Variants in LIPG observed in about 807,000 individuals in gnomAD.
The protein encoded by LIPG is endothelial lipase.
LIPG carries 34 observed loss-of-function variants against 51.8 expected under a neutral mutation model. That is an observed-to-expected ratio of 0.66 (90% CI 0.50 to 0.87). The LOEUF is 0.87. Among genes scored for constraint, LIPG ranks in the 40% least tolerant of loss-of-function variants. The pLI, the probability that LIPG is intolerant of heterozygous loss-of-function variation, is 0.00. For synonymous variants in LIPG, 246 were observed against 246.1 expected (o/e 1.00, Z 0.00); for missense variants, 580 against 652.7 (o/e 0.89, Z 1.21).
Position 49,581,611 on chromosome 18 carries a change from G to GAAC in LIPG, c.992_994dup (p.Asn331dup), listed in dbSNP as rs753420345. 1 of 1,614,184 alleles carries GAAC rather than the reference G, an allele frequency of 6.2e-7. No individual in the cohort carries two copies. Among genetic ancestry groups the GAAC allele is most frequent in the African/African-American group, 1.3e-5 (1 of 75,050 alleles). On this transcript the variant is annotated inframe_insertion, in exon 6 of 10. Coordinates refer to ENST00000261292, the MANE Select transcript of LIPG (RefSeq NM_006033.4). ...ATGCCAAGAAAATGAGGAACAAGAG[G>GAAC]AACAGCAAAATGTACCTAAAAACCC...
rs919709473 is a variant in LIPG at position 49,596,243 on chromosome 18, A to G, written c.*5721A>G. ...AGATATTATGAAATATAAATTCAAA[A>G]CCTGTATAAAAACTGAAAAAATGTA... is the stretch of plus-strand genomic sequence containing the variant. On this transcript the variant is annotated 3_prime_UTR_variant, in exon 10 of 10. Transcript: ENST00000261292. The G allele has an allele frequency of 6.6e-6, 1 of 152,224 alleles. No homozygotes were observed. The highest frequency in any genetic ancestry group is 6.5e-5 in the Admixed American group (1 of 15,276). The allele number at this position is 152,224 out of a possible 1,614,324, so 9.4% of individuals were successfully genotyped here. A position where few individuals can be genotyped will look rare whatever the true frequency, so the allele number is the denominator to read the frequency against.
intron 4 of LIPG, among the ~76,000 whole-genome samples, chr18:49,574,174 G>T (rs903071742): frequency 1.3e-5 from 2 of 152,178 alleles, no homozygotes; most frequent in Non-Finnish European, 2.9e-5. Flanking sequence ...GAGCTGTTCT[G>T]GTTGGGATAA....
chr18:49,578,065 G>A (rs1262648668), intron 5 of LIPG, among the ~76,000 whole-genome samples: 5 of 143,730 alleles, frequency 3.5e-5, no homozygotes, highest in East Asian at 2.1e-4. Context: ...TGGCCGGGCG[G>A]GGGGGCTGGC....
intron 1 of LIPG, 145 bp from the exon 2 acceptor site, chr18:49,565,172 A>C (rs1460871999): frequency 2.8e-6 from 2 of 720,654 alleles, no homozygotes; most frequent in African/African-American, 3.5e-5. Flanking sequence ...TTTTTCTGGG[A>C]GGTGAAAAGG....
chr18:49,578,226 C>T (rs1225850597), intron 5 of LIPG, among the ~76,000 whole-genome samples: 8 of 142,646 alleles, frequency 5.6e-5, no homozygotes, highest in African/African-American at 1.6e-4. Context: ...ACTTCTCAGA[C>T]GGGGCGGCTG....
At chr18:49,562,030 T>TA, upstream of LIPG, 1 of 1,431,158 alleles carries the variant, frequency 7.0e-7, no homozygotes, top group Non-Finnish European at 9.1e-7. Context: ...CCCATACTTT[T>TA]AAAAACTACC....
chr18:49,589,199 C>T (rs2084915744), intron 9 of LIPG, among the ~76,000 whole-genome samples: 1 of 152,150 alleles, frequency 6.6e-6, no homozygotes, highest in Admixed American at 6.5e-5. Flanking sequence ...ATTTGCCACC[C>T]CCAAGGCTGC....
At chr18:49,572,054 T>C (rs981778355) in intron 4 of LIPG, among the ~76,000 whole-genome samples, 1 of 152,248 alleles carries the variant, frequency 6.6e-6, no homozygotes, top group Admixed American at 6.5e-5. Context: ...GCGCAGTGGC[T>C]CACGCCTGTA....
chr18:49,561,882 G>A (rs561314849), upstream of LIPG: 5 of 1,273,520 alleles, frequency 3.9e-6, no homozygotes, highest in Admixed American at 3.7e-5. Flanking sequence ...AGCGTGCGGC[G>A]TCCACGCGGT....
rs762804081 is a variant in LIPG at position 49,592,800 on chromosome 18, G to A, written c.*2278G>A. ...CTATTTGGAAGACTATTTATTTCTC[G>A]TGTATATAATGTATATAAAAAAATA... On this transcript the variant is annotated 3_prime_UTR_variant, in exon 10 of 10. Transcript: ENST00000261292. 3.3e-5 allele frequency: 5 copies of A among 151,512 alleles called. No homozygotes were observed. Among genetic ancestry groups the A allele is most frequent in the East Asian group, 3.9e-4 (2 of 5,192 alleles). The allele number at this position is 151,512 out of a possible 1,614,324, so 9.4% of individuals were successfully genotyped here.
chr18:49,579,240 T>C (rs564956493), intron 5 of LIPG, among the ~76,000 whole-genome samples: 2 of 124,336 alleles, frequency 1.6e-5, no homozygotes, highest in South Asian at 2.9e-4. Context: ...GGGAGAGGGC[T>C]CACCGGATAC....
chr18:49,582,942 ACAT>A (rs1443691374), intron 7 of LIPG, among the ~76,000 whole-genome samples: 1 of 152,342 alleles, frequency 6.6e-6, no homozygotes, highest in South Asian at 2.1e-4. Context: ...TTGTGATGAA[ACAT>A]CATCAAAGTA....
At chr18:49,588,760 T>TG (rs1273849082) in intron 9 of LIPG, among the ~76,000 whole-genome samples, 1 of 152,168 alleles carries the variant, frequency 6.6e-6, no homozygotes, top group Non-Finnish European at 1.5e-5. Flanking sequence ...GGGCTCATCC[T>TG]GGGGAACAGC....
intron 9 of LIPG, among the ~76,000 whole-genome samples, chr18:49,587,840 C>T (rs1005895172): frequency 2.0e-5 from 3 of 151,308 alleles, no homozygotes; most frequent in Admixed American, 6.6e-5. Context: ...CAGGCTGGAG[C>T]GCAGTGGCAT....
intron 4 of LIPG, among the ~76,000 whole-genome samples, chr18:49,574,065 C>CAA (rs1279434683): frequency 6.6e-6 from 1 of 152,176 alleles, no homozygotes; most frequent in African/African-American, 2.4e-5. Context: ...GGGGCAAAGC[C>CAA]ACTTGTAGTG....
At chr18:49,577,723 G>C (rs1180189407) in intron 5 of LIPG, among the ~76,000 whole-genome samples, 7 of 84,130 alleles carry the variant, frequency 8.3e-5, no homozygotes, top group African/African-American at 4.1e-4. Flanking sequence ...CTCCCGGATG[G>C]CACGGCTGGC....
intron 9 of LIPG, chr18:49,589,805 T>C (rs1305926120): frequency 6.5e-6 from 1 of 153,574 alleles, no homozygotes; most frequent in Non-Finnish European, 1.5e-5. Flanking sequence ...TTTCCCGCTT[T>C]GGAATTCATA....
chr18:49,594,891 A>G lies in LIPG; in HGVS notation c.*4369A>G, dbSNP rs888724183. ...GAAAGCAGAAAATGGTGTCTCTGGC[A>G]TAGTAAAGAAAATTGTTGAAATTTC... On this transcript the variant is annotated 3_prime_UTR_variant, in exon 10 of 10. Transcript: ENST00000261292. The G allele has an allele frequency of 1.3e-5, 2 of 152,218 alleles. No homozygotes were observed. The highest frequency in any genetic ancestry group is 2.4e-5 in the African/African-American group (1 of 41,450). The allele number at this position is 152,218 out of a possible 1,614,324, so 9.4% of individuals were successfully genotyped here. A position where few individuals can be genotyped will look rare whatever the true frequency, so the allele number is the denominator to read the frequency against.
At position 49,564,255 on chromosome 18, in the gene LIPG, G is replaced by T. The variant is rs1284853753; in HGVS notation, c.98-1062G>T. Among the ~76,000 whole-genome samples, 3 of 152,142 alleles carry T rather than the reference G, an allele frequency of 2.0e-5. No homozygotes were observed. The East Asian group carries it at 5.8e-4, about 29-fold the overall frequency. ...GTCATTTGGCATCTTTCCCTGCTGG[G>T]TGATAGGAGAGTTTGATACTCTCAC... On this transcript the variant is annotated intron_variant, in intron 1 of 9. Transcript: ENST00000261292.
Sources: gnomAD v4.1 joint callset for allele counts (sites outside exome capture counted in the v4.1 genomes callset) on GRCh38, gnomAD v4.1.1 for gene constraint, MANE v1.5 for transcripts, NCBI Gene and HGNC (gene_info 2026-07-23, HGNC 2026-07-21) for gene names.